The following RUNDC3B variants were observed in gnomAD, a reference collection of about 807,000 sequenced individuals.
The protein encoded by RUNDC3B is RUN domain-containing protein 3B.
RUNDC3B carries 33 observed loss-of-function variants against 58.4 expected under a neutral mutation model. The ratio of observed to expected loss-of-function variants is 0.56; its 90% CI spans 0.43 to 0.75. The LOEUF is 0.75. Ranked by LOEUF, RUNDC3B falls within the 30% of genes least tolerant of loss-of-function variation. RUNDC3B has a pLI of 0.00. For synonymous variants in RUNDC3B, 193 were observed against 195.2 expected (o/e 0.99, Z 0.10); for missense variants, 501 against 535.7 (o/e 0.94, Z 0.64).
intron 1 of RUNDC3B, among the ~76,000 whole-genome samples, chr7:87,630,452 A>G (rs567798733): frequency 6.6e-6 from 1 of 152,292 alleles, no homozygotes; most frequent in Admixed American, 6.5e-5. Flanking sequence ...ACTTTTTGAG[A>G]CAAATAGGCT....
chr7:87,669,657 C>T (rs565544608), intron 2 of RUNDC3B, among the ~76,000 whole-genome samples: 1 of 152,306 alleles, frequency 6.6e-6, no homozygotes, highest in East Asian at 1.9e-4. Context: ...TCTTGTAAGG[C>T]AAGCCTGGTG....
chr7:87,764,795 T>A (rs1833891440), intron 6 of RUNDC3B, among the ~76,000 whole-genome samples: 1 of 151,942 alleles, frequency 6.6e-6, no homozygotes, highest in Admixed American at 6.6e-5. Flanking sequence ...TTATTCAGTA[T>A]TTTATTGATG....
chr7:87,798,220 A>G (rs948768353), intron 8 of RUNDC3B, among the ~76,000 whole-genome samples: 2 of 152,116 alleles, frequency 1.3e-5, no homozygotes, highest in African/African-American at 4.8e-5. Context: ...TTTCTTTTCT[A>G]TATAGGAATT....
intron 1 of RUNDC3B, among the ~76,000 whole-genome samples, chr7:87,643,941 C>G (rs1040966595): frequency 6.6e-6 from 1 of 151,540 alleles, no homozygotes; most frequent in African/African-American, 2.4e-5. Flanking sequence ...TCACTGCAAC[C>G]TGTTCCTCCC....
chr7:87,646,662 T>C (rs549644522), intron 1 of RUNDC3B, among the ~76,000 whole-genome samples: 2 of 152,248 alleles, frequency 1.3e-5, no homozygotes, highest in East Asian at 3.9e-4. Context: ...GTGTGCTTTT[T>C]ATTTATTCAT....
At chr7:87,750,213 AT>A (rs1832885951) in intron 6 of RUNDC3B, among the ~76,000 whole-genome samples, 1 of 152,110 alleles carries the variant, frequency 6.6e-6, no homozygotes, top group Non-Finnish European at 1.5e-5. Flanking sequence ...TGAACTTATC[AT>A]TTTTTATGGC....
intron 2 of RUNDC3B, among the ~76,000 whole-genome samples, chr7:87,698,111 T>C (rs1009447514): frequency 3.3e-5 from 5 of 152,126 alleles, no homozygotes; most frequent in African/African-American, 1.2e-4. Flanking sequence ...TTTTTATTGC[T>C]TTTTTTGAGA....
chr7:87,668,892 C>T (rs1363557088), intron 2 of RUNDC3B, among the ~76,000 whole-genome samples: 1 of 151,936 alleles, frequency 6.6e-6, no homozygotes, highest in Non-Finnish European at 1.5e-5. Flanking sequence ...TGTTTTATTC[C>T]AATTATTTGG....
chr7:87,650,747 C>A, intron 1 of RUNDC3B, 75 bp from the exon 2 acceptor site: 2 of 829,544 alleles, frequency 2.4e-6, no homozygotes, highest in Non-Finnish European at 4.1e-6. Flanking sequence ...CCCCAAATTG[C>A]CTTCCTCCCA....
chr7:87,641,960 AT>A lies in RUNDC3B; in HGVS notation c.123-8858del, dbSNP rs1422420589. On this transcript the variant is annotated intron_variant, in intron 1 of 10. Transcript: ENST00000394654. ...AAATTAATATTAATAACAATTTAAA[AT>A]TTTCATAAATCAATCACAAAACATC... Among the ~76,000 whole-genome samples the A allele has an allele frequency of 6.6e-5, 10 of 152,228 alleles. No individual in the cohort carries two copies. The East Asian group carries it at 1.9e-3, about 29-fold the overall frequency.
intron 1 of RUNDC3B, 99 bp downstream of exon 1, chr7:87,629,044 C>A: frequency 2.7e-6 from 3 of 1,114,646 alleles, no homozygotes; most frequent in Non-Finnish European, 2.3e-6. Context: ...GATGGGCTGC[C>A]GCCCAGTGCC....
At chr7:87,786,323 A>G (rs1432092525) in intron 8 of RUNDC3B, among the ~76,000 whole-genome samples, 2 of 152,184 alleles carry the variant, frequency 1.3e-5, no homozygotes, top group Non-Finnish European at 2.9e-5. Context: ...GATGATTTTT[A>G]AAGTTAGAAA....
chr7:87,769,104 G>C (rs1211842904), intron 6 of RUNDC3B, among the ~76,000 whole-genome samples: 1 of 151,598 alleles, frequency 6.6e-6, no homozygotes, highest in African/African-American at 2.4e-5. Flanking sequence ...GGGTTCAAAT[G>C]ATTCTTATGC....
At chr7:87,822,866 C>T (rs898044146) in intron 10 of RUNDC3B, among the ~76,000 whole-genome samples, 30 of 151,980 alleles carry the variant, frequency 2.0e-4, no homozygotes, top group African/African-American at 6.8e-4. Context: ...AGAAGGGGAA[C>T]ATCACACTCC....
At chr7:87,727,503 A>G (rs1398554705) in intron 4 of RUNDC3B, among the ~76,000 whole-genome samples, 2 of 152,064 alleles carry the variant, frequency 1.3e-5, no homozygotes, top group East Asian at 3.8e-4. Flanking sequence ...ACTTTTGTAA[A>G]TTACATTGGA....
At chr7:87,750,867 G>A (rs1236775131) in intron 6 of RUNDC3B, among the ~76,000 whole-genome samples, 1 of 151,448 alleles carries the variant, frequency 6.6e-6, no homozygotes, top group African/African-American at 2.4e-5. Flanking sequence ...TTGCTGTGCA[G>A]AAGCTCTTTA....
At chr7:87,648,413 A>G (rs912612693) in intron 1 of RUNDC3B, among the ~76,000 whole-genome samples, 1 of 152,110 alleles carries the variant, frequency 6.6e-6, no homozygotes, top group Non-Finnish European at 1.5e-5. Context: ...TCCCAGAGGA[A>G]GTGACACTGA....
At chr7:87,765,874 C>G (rs1833950486) in intron 6 of RUNDC3B, among the ~76,000 whole-genome samples, 1 of 151,824 alleles carries the variant, frequency 6.6e-6, no homozygotes, top group Non-Finnish European at 1.5e-5. Flanking sequence ...AGTAATCTGT[C>G]TAGTGCTATT....
At chr7:87,766,378 A>C (rs534413073) in intron 6 of RUNDC3B, among the ~76,000 whole-genome samples, 1 of 152,116 alleles carries the variant, frequency 6.6e-6, no homozygotes, top group Non-Finnish European at 1.5e-5. Flanking sequence ...TATGATGGTG[A>C]GTATCGTCCT....
Sources: allele counts gnomAD v4.1 joint callset (sites outside exome capture counted in the v4.1 genomes callset), GRCh38; gene constraint gnomAD v4.1.1; transcripts MANE v1.5; gene names NCBI Gene and HGNC (gene_info 2026-07-23, HGNC 2026-07-21).